Variants in ATP13A3 observed in about 807,000 individuals in gnomAD.
ATP13A3 encodes the protein polyamine-transporting ATPase 13A3.
ATP13A3 carries 59 observed loss-of-function variants against 158.1 expected under a neutral mutation model. That is an observed-to-expected ratio of 0.37 (90% CI 0.30 to 0.46). ATP13A3 has a LOEUF of 0.46. Among genes scored for constraint, ATP13A3 ranks in the 20% least tolerant of loss-of-function variants. ATP13A3 has a pLI of 1.00. For missense variants in ATP13A3, 1,166 were observed against 1,525.2 expected, an observed-to-expected ratio of 0.76 and a Z score of 3.92; for synonymous variants, 491 against 504.3, an observed-to-expected ratio of 0.97 and a Z score of 0.35.
chr3:194,478,787 G>C (rs1720630958), intron 2 of ATP13A3, among the ~76,000 whole-genome samples: 1 of 152,286 alleles, frequency 6.6e-6, no homozygotes, highest in Admixed American at 6.5e-5. Context: ...CTCTGGACTT[G>C]TGCAATGCAA....
chr3:194,465,448 C>A (rs1294698754), intron 2 of ATP13A3, among the ~76,000 whole-genome samples: 1 of 152,120 alleles, frequency 6.6e-6, no homozygotes, highest in Non-Finnish European at 1.5e-5. Context: ...AGGGAAAGAA[C>A]CACCCAAAAT....
intron 10 of ATP13A3, chr3:194,450,489 C>T (rs1718729993): frequency 2.0e-6 from 1 of 503,298 alleles, no homozygotes; most frequent in African/African-American, 1.9e-5. Flanking sequence ...AGGACACCAG[C>T]TGTGCACCGG....
rs1475135629 is a variant in ATP13A3, at chr3:194,433,759, T to C, written c.2245+13A>G. On this transcript the variant is annotated intron_variant, in intron 21 of 33. Transcript: ENST00000645319. ...CACTCCATTTGCTTCTGTGTTCTTT[T>C]ATAAAGTCTAACCTGTGACCATGAC... 3.1e-6 allele frequency: 5 copies of C among 1,613,402 alleles called. No individual in the cohort carries two copies. The highest frequency in any genetic ancestry group is 4.2e-6 in the Non-Finnish European group (5 of 1,179,764).
rs1395948573 is a variant in ATP13A3, at chr3:194,427,113, T to C, written c.3087A>G (p.Lys1029=). The change falls in exon 29 of 34, where the codon AAA becomes AAG. Residue 1029 remains lysine (K), a synonymous_variant. Transcript: ENST00000645319. The part of the protein sequence containing the change: ...GFQSLGFFWV[K]QQPWYEVWHP... ...GCCACACTTCATACCAAGGTTGCTG[T>C]TTGACCCAAAAAAAACCCAAAGATT... 3 of 1,613,522 alleles carry C rather than the reference T, an allele frequency of 1.9e-6. No individual in the cohort carries two copies. Among genetic ancestry groups the C allele is most frequent in the South Asian group, 2.2e-5 (2 of 90,822 alleles).
At chr3:194,456,967 T>G in intron 7 of ATP13A3, 127 bp downstream of exon 7, 1 of 518,000 alleles carries the variant, frequency 1.9e-6, no homozygotes, top group Non-Finnish European at 3.3e-6. Flanking sequence ...CAATAAATTC[T>G]CAACTACTAT....
intron 33 of ATP13A3, among the ~76,000 whole-genome samples, chr3:194,408,221 CGTTG>C (rs1346236911): frequency 2.0e-5 from 3 of 152,048 alleles, no homozygotes; most frequent in Non-Finnish European, 4.4e-5. Flanking sequence ...GGTTTCACCA[CGTTG>C]GCCAAGATGG....
At position 194,448,827 on chromosome 3, in the gene ATP13A3, T is replaced by C. The variant is rs537109144; in HGVS notation, c.971-191A>G. ...TTTTTTGTCTACCAATTTCCTCACA[T>C]AGAAGTATCAAATATTATCTCCCAC... On this transcript the variant is annotated intron_variant, in intron 11 of 33. Transcript: ENST00000645319. This position sits in a 1 kb window ranked among gnomAD's most constrained non-coding sequence, Gnocchi z 4.0. Among the ~76,000 whole-genome samples the C allele has an allele frequency of 9.2e-5, 14 of 152,328 alleles. No homozygotes were observed. The East Asian group carries it at 2.5e-3, about 27-fold the overall frequency.
chr3:194,480,563 T>C (rs1192301261), intron 2 of ATP13A3, among the ~76,000 whole-genome samples: 1 of 152,214 alleles, frequency 6.6e-6, no homozygotes, highest in Non-Finnish European at 1.5e-5. Context: ...CCCCTCAGAA[T>C]GACAGACAGT....
chr3:194,413,799 A>T lies in ATP13A3; in HGVS notation c.3443T>A (p.Ile1148Asn). ...CACAAAGGCATTGACAAGAACAATGATGAGCATAGTTACACGCCACTGATA... is the reference window on the plus strand; with the variant it reads ...CACAAAGGCATTGACAAGAACAATGTTGAGCATAGTTACACGCCACTGATA... ...VPYQWRVTML[I>N]IVLVNAFVSI... Residue 1148 changes from isoleucine to asparagine, a missense_variant, in exon 32 of 34, where the codon ATC becomes AAC. Transcript: ENST00000645319. 1.2e-6 allele frequency: 2 copies of T among 1,614,074 alleles called. No individual in the cohort carries two copies.
chr3:194,415,165 G>A (rs774926004), intron 31 of ATP13A3, among the ~76,000 whole-genome samples: 1 of 152,194 alleles, frequency 6.6e-6, no homozygotes, highest in Non-Finnish European at 1.5e-5. Flanking sequence ...TCTTAAGAAT[G>A]ATGACATGGC....
At position 194,448,566 on chromosome 3, in the gene ATP13A3, T is replaced by C; in HGVS notation, c.1041A>G (p.Glu347=). 6.2e-7 allele frequency: 1 copy of C among 1,614,048 alleles called. No individual in the cohort carries two copies. The highest frequency in any genetic ancestry group is 8.5e-7 in the Non-Finnish European group (1 of 1,179,908). ...GTTTATGTGTTTCTGGATTATATAA[T>C]TCATCTCCTATTCCTTTCACATCCA... ...PSVDVKGIGD[E]LYNPETHKRH... Residue 347 remains glutamate (E), a synonymous_variant, in exon 12 of 34, where the codon GAA becomes GAG. Coordinates refer to ENST00000645319, the MANE Select transcript of ATP13A3 (RefSeq NM_001367549.1). This position sits in a 1 kb window ranked among gnomAD's most constrained non-coding sequence, Gnocchi z 4.0.
chr3:194,492,406 C>G (rs1212597688), intron 2 of ATP13A3, among the ~76,000 whole-genome samples: 1 of 151,734 alleles, frequency 6.6e-6, no homozygotes, highest in African/African-American at 2.4e-5. Flanking sequence ...ACTCAAGTTT[C>G]TTGGATAAAA....
At chr3:194,470,092 A>C (rs1161211586) in intron 2 of ATP13A3, among the ~76,000 whole-genome samples, 2 of 152,222 alleles carry the variant, frequency 1.3e-5, no homozygotes, top group Non-Finnish European at 2.9e-5. Flanking sequence ...GAATACATGG[A>C]AATTTTACAA....
At position 194,463,516 on chromosome 3, in the gene ATP13A3, G is replaced by C. The variant is rs116590934; in HGVS notation, c.-46-1280C>G. ...AGTCCACATAAATAAAAGCTCTTTA[G>C]CATCCACAAAAATTTTCAAGAAGGT... On this transcript the variant is annotated intron_variant, in intron 2 of 33. Transcript: ENST00000645319. 6.4e-3 allele frequency among the ~76,000 whole-genome samples: 974 copies of C among 151,858 alleles called. 12 individuals carry two copies. Among genetic ancestry groups the C allele is most frequent in the African/African-American group, 0.022 (920 of 41,386 alleles).
chr3:194,471,696 T>C (rs1317358433), intron 2 of ATP13A3, among the ~76,000 whole-genome samples: 2 of 152,248 alleles, frequency 1.3e-5, no homozygotes, highest in Non-Finnish European at 2.9e-5. Flanking sequence ...GTATTAAGTG[T>C]GCATCTTATG....
chr3:194,489,893 C>T (rs753141639), upstream of ATP13A3, among the ~76,000 whole-genome samples: 1 of 152,044 alleles, frequency 6.6e-6, no homozygotes, highest in East Asian at 1.9e-4. The surrounding 1 kb of genome is among the most constrained non-coding windows in gnomAD (Gnocchi z 4.1). Context: ...CCAAGATAGG[C>T]GAGAGAAAGG....
chr3:194,429,232 C>G (rs1560081344), intron 27 of ATP13A3, among the ~76,000 whole-genome samples: 1 of 151,706 alleles, frequency 6.6e-6, no homozygotes, highest in Non-Finnish European at 1.5e-5. Flanking sequence ...ATCGAGACCA[C>G]CCTGGCCAAC....
At chr3:194,487,967 C>T (rs1200709059), upstream of ATP13A3, 3 of 152,398 alleles carry the variant, frequency 2.0e-5, no homozygotes, top group Non-Finnish European at 4.4e-5. Flanking sequence ...GGCCGCCACC[C>T]CTGGTCCACG....
chr3:194,465,476 C>T (rs945072739), intron 2 of ATP13A3, among the ~76,000 whole-genome samples: 3 of 152,116 alleles, frequency 2.0e-5, no homozygotes, highest in African/African-American at 7.2e-5. Flanking sequence ...GGAATTAAAC[C>T]ACCAGGGCTC....
Sources: allele counts gnomAD v4.1 joint callset (sites outside exome capture counted in the v4.1 genomes callset), GRCh38; gene constraint gnomAD v4.1.1; non-coding constraint Gnocchi (gnomAD v3.1); transcripts MANE v1.5; gene names NCBI Gene and HGNC (gene_info 2026-07-23, HGNC 2026-07-21).